The following MYO3B variants were observed in gnomAD, a reference collection of about 807,000 sequenced individuals.
The protein encoded by MYO3B is myosin-IIIb.
MYO3B carries 156 observed loss-of-function variants against 174.6 expected under a neutral mutation model. The ratio of observed to expected loss-of-function variants is 0.89; its 90% CI spans 0.78 to 1.02. MYO3B has a LOEUF of 1.02. Ranked by LOEUF, MYO3B falls within the 50% of genes least tolerant of loss-of-function variation. The pLI, the probability that MYO3B is intolerant of heterozygous loss-of-function variation, is 0.00. For missense variants in MYO3B, 1,632 were observed against 1,639.4 expected (o/e 1.00, Z 0.08); for synonymous variants, 563 against 569.1 (o/e 0.99, Z 0.15).
intron 32 of MYO3B, among the ~76,000 whole-genome samples, chr2:170,587,096 A>T (rs1693535738): frequency 6.6e-6 from 1 of 152,208 alleles, no homozygotes; most frequent in Non-Finnish European, 1.5e-5. Flanking sequence ...ATAAGAGAAA[A>T]ATTACATAAA....
chr2:170,470,060 C>T (rs963527007), intron 25 of MYO3B, among the ~76,000 whole-genome samples: 1 of 140,110 alleles, frequency 7.1e-6, no homozygotes, highest in African/African-American at 2.8e-5. Context: ...CGAGATCGTG[C>T]CATTGCCCTC....
intron 8 of MYO3B, among the ~76,000 whole-genome samples, chr2:170,352,835 A>G (rs947200712): frequency 5.9e-5 from 9 of 152,230 alleles, no homozygotes; most frequent in African/African-American, 2.2e-4. Context: ...TGACAATAAA[A>G]TAAAAAGATT....
chr2:170,227,171 A>G (rs1345397690), intron 6 of MYO3B, among the ~76,000 whole-genome samples: 1 of 152,240 alleles, frequency 6.6e-6, no homozygotes, highest in Non-Finnish European at 1.5e-5. Context: ...AGCAGTCAGC[A>G]TGAGGGATGG....
intron 7 of MYO3B, among the ~76,000 whole-genome samples, chr2:170,261,571 TA>T (rs1342776924): frequency 6.6e-6 from 1 of 152,154 alleles, no homozygotes; most frequent in Non-Finnish European, 1.5e-5. Flanking sequence ...ATGTGTGTTT[TA>T]AGTAGGGAGA....
At chr2:170,377,535 A>G (rs1479630754) in intron 9 of MYO3B, among the ~76,000 whole-genome samples, 2 of 152,162 alleles carry the variant, frequency 1.3e-5, no homozygotes, top group Admixed American at 6.5e-5. Flanking sequence ...CCATGGATTC[A>G]GGCACCAGTT....
chr2:170,618,920 A>G (rs1361377004), intron 32 of MYO3B, among the ~76,000 whole-genome samples: 1 of 152,236 alleles, frequency 6.6e-6, no homozygotes, highest in African/African-American at 2.4e-5. Context: ...GTAATTTCTA[A>G]CAGAGCCTTA....
At chr2:170,499,183 T>G (rs1213444798) in intron 26 of MYO3B, among the ~76,000 whole-genome samples, 2 of 152,194 alleles carry the variant, frequency 1.3e-5, no homozygotes, top group Non-Finnish European at 2.9e-5. Context: ...GATTGCCTTA[T>G]AAAACCAGCC....
intron 22 of MYO3B, among the ~76,000 whole-genome samples, chr2:170,415,033 T>C (rs1304725693): frequency 1.3e-5 from 2 of 152,226 alleles, no homozygotes; most frequent in Non-Finnish European, 2.9e-5. Context: ...GAGAACTCTT[T>C]TGTTTCTTCC....
intron 32 of MYO3B, among the ~76,000 whole-genome samples, chr2:170,596,336 G>A (rs1387770549): frequency 1.3e-5 from 2 of 152,160 alleles, no homozygotes; most frequent in East Asian, 1.9e-4. Flanking sequence ...TCAGGTAGAG[G>A]CCCTGGAGAG....
intron 7 of MYO3B, among the ~76,000 whole-genome samples, chr2:170,267,749 T>A (rs2093395112): frequency 6.6e-6 from 1 of 152,202 alleles, no homozygotes; most frequent in Non-Finnish European, 1.5e-5. Flanking sequence ...TATAGTAATC[T>A]GTGGTAATAT....
Position 170,387,289 on chromosome 2 carries a change from A to G in MYO3B, c.1558A>G (p.Arg520Gly). The G allele has an allele frequency of 6.2e-7, 1 of 1,614,156 alleles. No homozygotes were observed. The highest frequency in any genetic ancestry group is 1.1e-5 in the South Asian group (1 of 91,086). ...CTCTGAATATCTCCTGGAAAAATCC[A>G]GAGTTATAAAACAGGCAGCGTAGGT... is the stretch of plus-strand genomic sequence containing the variant. ...RISEYLLEKS[R>G]VIKQAAREKN... The change falls in exon 14 of 35, where the codon AGA (arginine) becomes GGA (glycine). Residue 520 changes from arginine (R) to glycine (G), a missense_variant. Transcript: ENST00000408978.
chr2:170,514,632 T>C (rs1311405200), intron 28 of MYO3B, among the ~76,000 whole-genome samples: 1 of 152,244 alleles, frequency 6.6e-6, no homozygotes, highest in Non-Finnish European at 1.5e-5. Context: ...ATTTGACTAA[T>C]GTGATCAGTG....
intron 23 of MYO3B, among the ~76,000 whole-genome samples, chr2:170,449,768 A>G (rs1217768204): frequency 6.6e-6 from 1 of 151,188 alleles, no homozygotes; most frequent in Non-Finnish European, 1.5e-5. Context: ...CAAGAGCAGA[A>G]CTCTGTCTCA....
intron 32 of MYO3B, among the ~76,000 whole-genome samples, chr2:170,619,623 A>G (rs10191600): frequency 0.55 from 83,553 of 151,596 alleles, 24,505 homozygotes; most frequent in Non-Finnish European, 0.67. Flanking sequence ...GGACTGCGTT[A>G]CCATGTGGCA....
In MYO3B at chr2:170,457,697, C is replaced by T. The variant is rs145558595; in HGVS notation, c.2731-5671C>T. ...AAAGGACCTGCCTGAGGCTGTTCCA[C>T]GGTTAATGTTTTTTGTTTTGTTTTT... On this transcript the variant is annotated intron_variant, in intron 23 of 34. Coordinates refer to ENST00000408978, the MANE Select transcript of MYO3B (RefSeq NM_138995.5). Among the ~76,000 whole-genome samples the T allele has an allele frequency of 1.0e-3, 159 of 152,234 alleles. 1 individual carries two copies. Among genetic ancestry groups the T allele is most frequent in the African/African-American group, 3.8e-3 (157 of 41,542 alleles).
intron 30 of MYO3B, among the ~76,000 whole-genome samples, chr2:170,526,292 A>G (rs1356833416): frequency 6.6e-6 from 1 of 152,224 alleles, no homozygotes; most frequent in African/African-American, 2.4e-5. Context: ...TGAATACTCA[A>G]TAAGAGATTA....
At chr2:170,439,331 C>G (rs1004722398) in intron 22 of MYO3B, among the ~76,000 whole-genome samples, 2 of 151,908 alleles carry the variant, frequency 1.3e-5, no homozygotes, top group African/African-American at 4.8e-5. Flanking sequence ...AAGATTGTGC[C>G]ACTGCACTCC....
At chr2:170,627,268 C>G (rs1181540174) in intron 32 of MYO3B, among the ~76,000 whole-genome samples, 1 of 152,050 alleles carries the variant, frequency 6.6e-6, no homozygotes, top group Admixed American at 6.6e-5. Flanking sequence ...TCTTTTTTCT[C>G]TAAACTTCTC....
chr2:170,500,485 A>AT (rs1687190789), intron 27 of MYO3B, among the ~76,000 whole-genome samples: 1 of 152,326 alleles, frequency 6.6e-6, no homozygotes, highest in Middle Eastern at 3.4e-3. Flanking sequence ...CCTTTAATAG[A>AT]TAGGGAGAGT....
Sources: gnomAD v4.1 joint callset for allele counts (sites outside exome capture counted in the v4.1 genomes callset) on GRCh38, gnomAD v4.1.1 for gene constraint, MANE v1.5 for transcripts, NCBI Gene and HGNC (gene_info 2026-07-23, HGNC 2026-07-21) for gene names.